The following TMEM167A variants were observed in gnomAD, a reference collection of about 807,000 sequenced individuals.
TMEM167A encodes the protein protein kish-A.
TMEM167A carries 8 observed loss-of-function variants against 11.6 expected under a neutral mutation model. That is an observed-to-expected ratio of 0.69 (90% confidence interval 0.40 to 1.24). The LOEUF is 1.24. Ranked by LOEUF, TMEM167A falls within the 50% of genes most tolerant of loss-of-function variation. TMEM167A has a pLI of 0.01. For synonymous variants in TMEM167A, 22 were observed against 28.0 expected, an observed-to-expected ratio of 0.79 and a Z score of 0.67; for missense variants, 62 against 87.0, an observed-to-expected ratio of 0.71 and a Z score of 1.14.
rs369393831 is a variant in TMEM167A at position 83,059,166 on chromosome 5, CAA to C, written c.149-2014_149-2013del. ...GAAAATGGAAATAATAAATAACAAG[CAA>C]AAAAAAAAAAAGGACACTAGACACT... On this transcript the variant is annotated intron_variant, in intron 3 of 3. Coordinates refer to ENST00000502346, the MANE Select transcript of TMEM167A (RefSeq NM_174909.5). Among the ~76,000 whole-genome samples the C allele has an allele frequency of 3.0e-4, 36 of 118,266 alleles. No individual in the cohort carries two copies. In the South Asian group the frequency reaches 4.7e-3, roughly 15 times the overall value. The allele number at this position is 118,266 out of a possible 152,430, so 77.6% of individuals were successfully genotyped here. A position where few individuals can be genotyped will look rare whatever the true frequency, so the allele number is the denominator to read the frequency against.
rs1561299799 is a variant in TMEM167A, at chr5:83,054,546, TC to T, written c.*2537del. The T allele has an allele frequency of 6.6e-6, 1 of 151,886 alleles. No homozygotes were observed. Among genetic ancestry groups the T allele is most frequent in the African/African-American group, 2.4e-5 (1 of 41,384 alleles). 9.4% of individuals were successfully genotyped at this position (151,886 alleles called of 1,614,324 possible). On this transcript the variant is annotated 3_prime_UTR_variant, in exon 4 of 4. Coordinates refer to ENST00000502346, the MANE Select transcript of TMEM167A (RefSeq NM_174909.5). The stretch of plus-strand genomic sequence containing the variant: ...AGGTCTATATGATAGAGATATTCCA[TC>T]TGAGCTGGAGGCCATTATCCTTAGC...
rs1416415471 is a variant in TMEM167A, at chr5:83,053,128, ATTAATCAG to A, written c.*3948_*3955del. 6.6e-6 allele frequency: 1 copy of A among 152,006 alleles called. No individual in the cohort carries two copies. The highest frequency in any genetic ancestry group is 6.6e-5 in the Admixed American group (1 of 15,220). The allele number at this position is 152,006 out of a possible 1,614,324, so 9.4% of individuals were successfully genotyped here. A position where few individuals can be genotyped will look rare whatever the true frequency, so the allele number is the denominator to read the frequency against. On this transcript the variant is annotated 3_prime_UTR_variant, in exon 4 of 4. Transcript: ENST00000502346. ...GTTGTACAGCGTTCACAATGCTGGT[ATTAATCAG>A]CTACATATTTTGAACATCTACTGTT...
intron 3 of TMEM167A, among the ~76,000 whole-genome samples, chr5:83,061,436 G>T (rs1561301858): frequency 1.3e-5 from 2 of 152,132 alleles, no homozygotes; most frequent in African/African-American, 4.8e-5. Flanking sequence ...TTGAGACAGA[G>T]TCTCACTCTG....
chr5:83,067,052 GT>G (rs940489832), intron 1 of TMEM167A, among the ~76,000 whole-genome samples: 5 of 151,366 alleles, frequency 3.3e-5, no homozygotes, highest in East Asian at 1.9e-4. Flanking sequence ...CCCAATTTCA[GT>G]TTTTTTTTAA....
intron 1 of TMEM167A, among the ~76,000 whole-genome samples, chr5:83,070,939 G>C (rs1367057759): frequency 6.6e-6 from 1 of 151,882 alleles, no homozygotes; most frequent in East Asian, 1.9e-4. Flanking sequence ...AGAAACCACT[G>C]AAAACATTAG....
chr5:83,076,589 A>G (rs558984055), intron 1 of TMEM167A, among the ~76,000 whole-genome samples: 4 of 152,268 alleles, frequency 2.6e-5, no homozygotes, highest in Admixed American at 2.0e-4. Flanking sequence ...ACATAGGCTC[A>G]TAATTTTTCA....
chr5:83,064,456 T>C, intron 2 of TMEM167A: 1 of 421,884 alleles, frequency 2.4e-6, no homozygotes. Context: ...ATGCATTATA[T>C]TAGAATTCCA....
chr5:83,057,694 A>T (rs927392480), intron 3 of TMEM167A, among the ~76,000 whole-genome samples: 2 of 152,106 alleles, frequency 1.3e-5, no homozygotes, highest in Non-Finnish European at 2.9e-5. Context: ...ATGCTTAATT[A>T]AAAAAATTAG....
chr5:83,077,131 G>A (rs908230579), intron 1 of TMEM167A, among the ~76,000 whole-genome samples, 190 bp downstream of exon 1: 4 of 152,148 alleles, frequency 2.6e-5, no homozygotes, highest in African/African-American at 7.2e-5. Context: ...GGGGCGGGCT[G>A]CCGACCCAGC....
At chr5:83,066,047 T>C (rs1744476516) in intron 1 of TMEM167A, among the ~76,000 whole-genome samples, 3 of 152,180 alleles carry the variant, frequency 2.0e-5, no homozygotes, top group Admixed American at 1.3e-4. Context: ...AGGGTAGACA[T>C]TGTTATCAGA....
chr5:83,063,789 A>G (rs941034510), intron 2 of TMEM167A, among the ~76,000 whole-genome samples: 3 of 152,126 alleles, frequency 2.0e-5, no homozygotes, highest in Non-Finnish European at 2.9e-5. Flanking sequence ...ACCAATAAGT[A>G]TATTTGCTGA....
intron 1 of TMEM167A, among the ~76,000 whole-genome samples, chr5:83,075,114 C>T (rs938731457): frequency 4.0e-5 from 6 of 151,646 alleles, no homozygotes; most frequent in Admixed American, 6.6e-5. Flanking sequence ...AATACCTAGT[C>T]TTTAAGAATT....
chr5:83,065,189 C>A, intron 1 of TMEM167A, 72 bp from the exon 2 acceptor site: 1 of 936,100 alleles, frequency 1.1e-6, no homozygotes, highest in East Asian at 2.5e-5. Flanking sequence ...TTGACAATTC[C>A]ACATTTAGAG....
At position 83,053,678 on chromosome 5, in the gene TMEM167A, T is replaced by A. The variant is rs761833907; in HGVS notation, c.*3406A>T. On this transcript the variant is annotated 3_prime_UTR_variant, in exon 4 of 4. Transcript: ENST00000502346. ...CTTTGCCTACCTTTCTAGGCTTATG[T>A]CTTAATACTCCCGAAGTGGCACAAG... 2 of 152,020 alleles carry A rather than the reference T, an allele frequency of 1.3e-5. No individual in the cohort carries two copies. Among genetic ancestry groups the A allele is most frequent in the Non-Finnish European group, 2.9e-5 (2 of 67,946 alleles). 9.4% of individuals were successfully genotyped at this position (152,020 alleles called of 1,614,324 possible).
chr5:83,057,733 C>T (rs1744352368), intron 3 of TMEM167A, among the ~76,000 whole-genome samples: 1 of 152,082 alleles, frequency 6.6e-6, no homozygotes. Flanking sequence ...AGTATGCTTA[C>T]TCTGGGTTAG....
chr5:83,060,630 G>A (rs1263802752), intron 3 of TMEM167A, among the ~76,000 whole-genome samples: 1 of 152,070 alleles, frequency 6.6e-6, no homozygotes, highest in African/African-American at 2.4e-5. Flanking sequence ...AGGAGTTGGA[G>A]AGCAGCCTGG....
chr5:83,068,923 G>C (rs772110284), intron 1 of TMEM167A, among the ~76,000 whole-genome samples: 1 of 152,130 alleles, frequency 6.6e-6, no homozygotes, highest in Admixed American at 6.5e-5. Context: ...TGGGAGAGGG[G>C]TAGGGTTGAT....
rs928332036 is a variant in TMEM167A, at chr5:83,057,214, A to G, written c.149-60T>C. 2.7e-4 allele frequency: 393 copies of G among 1,445,438 alleles called. 4 individuals are homozygous for G. Among genetic ancestry groups the G allele is most frequent in the Middle Eastern group, 5.2e-4 (3 of 5,752 alleles). 89.5% of individuals were successfully genotyped at this position (1,445,438 alleles called of 1,614,324 possible). ...CTGAGTGGCTAACCTGGCTATGACAAGGTTATACTACCATAAGAATCAAGA... is the reference window on the plus strand; with the variant it reads ...CTGAGTGGCTAACCTGGCTATGACAGGGTTATACTACCATAAGAATCAAGA... On this transcript the variant is annotated intron_variant, in intron 3 of 3. Coordinates refer to ENST00000502346, the MANE Select transcript of TMEM167A (RefSeq NM_174909.5).
At chr5:83,067,378 A>G (rs1390780158) in intron 1 of TMEM167A, among the ~76,000 whole-genome samples, 3 of 152,248 alleles carry the variant, frequency 2.0e-5, no homozygotes, top group Admixed American at 2.0e-4. Flanking sequence ...CTCAAGGACA[A>G]AAAGTGCTTA....
Sources: allele counts gnomAD v4.1 joint callset (sites outside exome capture counted in the v4.1 genomes callset), GRCh38; gene constraint gnomAD v4.1.1; transcripts MANE v1.5; gene names NCBI Gene and HGNC (gene_info 2026-07-23, HGNC 2026-07-21).